Variants in METTL22 observed in about 807,000 individuals in gnomAD.
METTL22 encodes the protein methyltransferase-like protein 22.
METTL22 carries 51 observed loss-of-function variants against 48.4 expected under a neutral mutation model. The observed-to-expected ratio is 1.05, with a 90% CI of 0.84 to 1.33. The LOEUF is 1.33. METTL22 is among the 40% of genes most tolerant of loss of function. METTL22 has a pLI of 0.00. For missense variants in METTL22, 678 were observed against 526.9 expected, an observed-to-expected ratio of 1.29 and a Z score of -2.81; for synonymous variants, 255 against 214.1, an observed-to-expected ratio of 1.19 and a Z score of -1.67.
In METTL22 at chr16:8,649,085, C is replaced by A. The variant is rs1041836937; in HGVS notation, c.*2942C>A. Reference sequence around the variant, plus strand: ...CGTCAGCACTAATGGTGACAATTTCCTAGCACTCCTGGGTACAAGTCCATA... The same window carrying A: ...CGTCAGCACTAATGGTGACAATTTCATAGCACTCCTGGGTACAAGTCCATA... On this transcript the variant is annotated 3_prime_UTR_variant, in exon 11 of 11. Transcript: ENST00000381920. The A allele has an allele frequency of 3.3e-5, 5 of 152,240 alleles. No homozygotes were observed. Among genetic ancestry groups the A allele is most frequent in the African/African-American group, 4.8e-5 (2 of 41,454 alleles). The allele number at this position is 152,240 out of a possible 1,614,324, so 9.4% of individuals were successfully genotyped here. A position where few individuals can be genotyped will look rare whatever the true frequency, so the allele number is the denominator to read the frequency against.
chr16:8,654,646 A>C (rs925642059), downstream of METTL22, among the ~76,000 whole-genome samples: 1 of 152,238 alleles, frequency 6.6e-6, no homozygotes, highest in Non-Finnish European at 1.5e-5. Flanking sequence ...AATAAAATTT[A>C]TTTTAGCCCA....
At chr16:8,627,937 A>G (rs1349833208) in intron 2 of METTL22, among the ~76,000 whole-genome samples, 1 of 152,128 alleles carries the variant, frequency 6.6e-6, no homozygotes, top group Non-Finnish European at 1.5e-5. Context: ...AAGGGGATTT[A>G]CCATGTTGCC....
At position 8,641,061 on chromosome 16, in the gene METTL22, G is replaced by A. The variant is rs1026414184; in HGVS notation, c.773-70G>A. The A allele has an allele frequency of 6.8e-6, 10 of 1,468,478 alleles. No individual in the cohort carries two copies. In the African/African-American group the frequency reaches 1.1e-4, roughly 16 times the overall value. 91.0% of individuals were successfully genotyped at this position (1,468,478 alleles called of 1,614,324 possible). A position where few individuals can be genotyped will look rare whatever the true frequency, so the allele number is the denominator to read the frequency against. ...GGATAGATGGATCTTCATATATAGTGTAAAAGTTTATCTTTTTTTCCTGAT... is the reference window on the plus strand; with the variant it reads ...GGATAGATGGATCTTCATATATAGTATAAAAGTTTATCTTTTTTTCCTGAT... On this transcript the variant is annotated intron_variant, in intron 6 of 10. Transcript: ENST00000381920.
At chr16:8,650,870 C>G (rs1567254057), downstream of METTL22, among the ~76,000 whole-genome samples, 1 of 151,790 alleles carries the variant, frequency 6.6e-6, no homozygotes, top group South Asian at 2.1e-4. Flanking sequence ...ACTAAAAATA[C>G]AAAAAAATAG....
chr16:8,664,746 C>G, the METTL22 span, among the ~76,000 whole-genome samples: 1 of 152,142 alleles, frequency 6.6e-6, no homozygotes, highest in African/African-American at 2.4e-5. Flanking sequence ...CAGGCATGAG[C>G]CACCACGTCT....
chr16:8,642,012 C>T (rs1323705833), intron 7 of METTL22, 115 bp from the exon 8 acceptor site: 10 of 794,620 alleles, frequency 1.3e-5, no homozygotes, highest in East Asian at 5.1e-5. Context: ...CCCACTGCAC[C>T]GAGCTACCCC....
chr16:8,623,241 G>A (rs2055917785), intron 1 of METTL22, among the ~76,000 whole-genome samples: 1 of 151,822 alleles, frequency 6.6e-6, no homozygotes, highest in Non-Finnish European at 1.5e-5. Context: ...AGCCCAGGAG[G>A]CGGAGGTTGT....
Position 8,641,170 on chromosome 16 carries a change from A to G in METTL22, c.812A>G (p.Asp271Gly). Residue 271 changes from aspartate to glycine, a missense_variant, in exon 7 of 11, where the codon GAC becomes GGC. Physicochemically the swap from Asp to Gly is moderately conservative, Grantham distance 94. Transcript: ENST00000381920. ...GTCAAAGAACTGGACTGGCTGAAGG[A>G]CGACCTCTGCACAGGTGTGTGTTTC... ...VRVKELDWLK[D>G]DLCTDPKVPF... 6.2e-7 allele frequency: 1 copy of G among 1,613,930 alleles called. No homozygotes were observed. Among genetic ancestry groups the G allele is most frequent in the East Asian group, 2.2e-5 (1 of 44,880 alleles).
At position 8,648,426 on chromosome 16, in the gene METTL22, A is replaced by T. The variant is rs140160076; in HGVS notation, c.*2283A>T. 1 of 152,058 alleles carries T rather than the reference A, an allele frequency of 6.6e-6. No individual in the cohort carries two copies. The highest frequency in any genetic ancestry group is 1.5e-5 in the Non-Finnish European group (1 of 68,068). The allele number at this position is 152,058 out of a possible 1,614,324, so 9.4% of individuals were successfully genotyped here. A position where few individuals can be genotyped will look rare whatever the true frequency, so the allele number is the denominator to read the frequency against. On this transcript the variant is annotated 3_prime_UTR_variant, in exon 11 of 11. Coordinates refer to ENST00000381920, the MANE Select transcript of METTL22 (RefSeq NM_024109.4). Reference sequence around the variant, plus strand: ...GTGGATCACCCAAAGTCAGGAGTTCAAGACCAGCCTGGCCAACATGGTGAA... The same window carrying T: ...GTGGATCACCCAAAGTCAGGAGTTCTAGACCAGCCTGGCCAACATGGTGAA...
At chr16:8,626,565 C>T (rs571387180) in intron 2 of METTL22, among the ~76,000 whole-genome samples, 1 of 151,162 alleles carries the variant, frequency 6.6e-6, no homozygotes, top group South Asian at 2.1e-4. Context: ...TCTCCTGCCT[C>T]AGCCTCCCGA....
the METTL22 span, among the ~76,000 whole-genome samples, chr16:8,664,122 CT>C: frequency 1.3e-5 from 2 of 149,998 alleles, no homozygotes; most frequent in East Asian, 2.0e-4. Flanking sequence ...GAGTCTCGCT[CT>C]GTTTCCCAGG....
At position 8,635,210 on chromosome 16, in the gene METTL22, C is replaced by A; in HGVS notation, c.598C>A (p.Arg200=). 1.2e-6 allele frequency: 2 copies of A among 1,611,172 alleles called. No homozygotes were observed. The highest frequency in any genetic ancestry group is 1.7e-6 in the Non-Finnish European group (2 of 1,178,394). The part of the protein sequence containing the change: ...ALLLADYILF[R]QDLFRGCTAL... ...GCTCCTGGCAGACTACATCCTGTTC[C>A]GACAGGACCTCTTCCGAGGATGTAC... Residue 200 remains arginine (R), a synonymous_variant, in exon 5 of 11, where the codon CGA becomes AGA. Coordinates refer to ENST00000381920, the MANE Select transcript of METTL22 (RefSeq NM_024109.4).
downstream of METTL22, among the ~76,000 whole-genome samples, chr16:8,652,530 CAT>C (rs1304779314): frequency 2.8e-5 from 4 of 144,398 alleles, no homozygotes; most frequent in African/African-American, 1.0e-4. Flanking sequence ...GTGAAACCCT[CAT>C]GTGTGGCCAG....
At chr16:8,625,195 A>G (rs991447157) in intron 1 of METTL22, among the ~76,000 whole-genome samples, 9 of 152,278 alleles carry the variant, frequency 5.9e-5, no homozygotes, top group Admixed American at 5.2e-4. Flanking sequence ...TGATGTCTAC[A>G]ATGTACTCTC....
chr16:8,652,691 T>TG (rs201144695), downstream of METTL22, among the ~76,000 whole-genome samples: 10 of 151,670 alleles, frequency 6.6e-5, no homozygotes, highest in East Asian at 1.9e-3. Context: ...AAAAAAAATT[T>TG]TTTTAATTTT....
chr16:8,662,288 C>T, the METTL22 span, among the ~76,000 whole-genome samples: 3 of 145,340 alleles, frequency 2.1e-5, no homozygotes, highest in African/African-American at 7.7e-5. Flanking sequence ...GATCTAACAC[C>T]GGTTCTGTCT....
chr16:8,645,818 A>T (rs1272851529), intron 10 of METTL22: 9 of 694,678 alleles, frequency 1.3e-5, no homozygotes, highest in Non-Finnish European at 1.7e-5. Flanking sequence ...AAATGGAGAG[A>T]TACGGCAACT....
the METTL22 span, among the ~76,000 whole-genome samples, chr16:8,656,391 C>T: frequency 1.3e-5 from 2 of 152,216 alleles, no homozygotes; most frequent in Admixed American, 1.3e-4. Flanking sequence ...TTCCCCACTT[C>T]CCCCACAGAC....
intron 5 of METTL22, among the ~76,000 whole-genome samples, chr16:8,637,246 C>T (rs369261441): frequency 6.6e-6 from 1 of 152,196 alleles, no homozygotes; most frequent in Admixed American, 6.5e-5. Context: ...CCCTGAGGCA[C>T]TGTTTTCAAA....
Sources: allele counts gnomAD v4.1 joint callset (sites outside exome capture counted in the v4.1 genomes callset), GRCh38; gene constraint gnomAD v4.1.1; transcripts MANE v1.5; gene names NCBI Gene and HGNC (gene_info 2026-07-23, HGNC 2026-07-21).